The following PRKN variants were observed in gnomAD, a reference collection of about 807,000 sequenced individuals.
PRKN encodes the protein parkin RBR E3 ubiquitin protein ligase.
PRKN carries 56 observed loss-of-function variants against 59.5 expected under a neutral mutation model. The ratio of observed to expected loss-of-function variants is 0.94; its 90% CI spans 0.76 to 1.18. PRKN has a LOEUF of 1.18. Ranked by LOEUF, PRKN falls within the 50% of genes most tolerant of loss-of-function variation. The pLI is 0.00. For missense variants in PRKN, 657 were observed against 596.4 expected, an observed-to-expected ratio of 1.10 and a Z score of -1.06; for synonymous variants, 250 against 222.1, an observed-to-expected ratio of 1.13 and a Z score of -1.12.
chr6:161,350,274 C>A, intron 11 of PRKN, 63 bp from the exon 12 acceptor site: 2 of 1,073,040 alleles, frequency 1.9e-6, no homozygotes, highest in Non-Finnish European at 2.8e-6. Flanking sequence ...AACACGCATT[C>A]CCAAACCAGC....
rs561983894 is a variant in PRKN at position 162,523,494 on chromosome 6, G to A, written c.8-80021C>T. 2.6e-3 allele frequency among the ~76,000 whole-genome samples: 390 copies of A among 151,770 alleles called. 2 individuals carry two copies. The highest frequency in any genetic ancestry group is 4.2e-3 in the Non-Finnish European group (284 of 67,888). On this transcript the variant is annotated intron_variant, in intron 1 of 11. Coordinates refer to ENST00000366898, the MANE Select transcript of PRKN (RefSeq NM_004562.3). ...AGCCTGGCCAACATGGTGAAACTCC[G>A]TCTCTACTAAAAATACAAAAATTAG...
intron 3 of PRKN, among the ~76,000 whole-genome samples, chr6:162,248,587 C>T (rs953683374): frequency 3.9e-5 from 6 of 152,050 alleles, no homozygotes; most frequent in South Asian, 2.1e-4. Flanking sequence ...TGGGTACTGG[C>T]GTTAGAGCTG....
rs1395275144 is a variant in PRKN at position 161,548,875 on chromosome 6, C to T, written c.1062G>A (p.Gly354=). The change falls in exon 9 of 12, where the codon GGG becomes GGA. Residue 354 remains glycine (G), a synonymous_variant. Transcript: ENST00000366898. The surrounding 1 kb of genome is among the most constrained non-coding windows in gnomAD (Gnocchi z 4.2). ...EPDQRKVTCE[G]GNGLGCGFAF... ...TCACCCCACAGCCCAGGCCATTGCC[C>T]CCTTCGCAGGTGACTTTCCTCTGGT... is the stretch of plus-strand genomic sequence containing the variant. The T allele has an allele frequency of 2.5e-6, 4 of 1,614,176 alleles. No homozygotes were observed. The highest frequency in any genetic ancestry group is 3.4e-6 in the Non-Finnish European group (4 of 1,180,030).
intron 10 of PRKN, among the ~76,000 whole-genome samples, chr6:161,368,472 T>C: frequency 6.8e-6 from 1 of 148,028 alleles, no homozygotes; most frequent in South Asian, 2.2e-4. Flanking sequence ...TGAGAATCAC[T>C]TGAATCCAGA....
At chr6:162,080,977 T>C (rs2128293516) in intron 4 of PRKN, among the ~76,000 whole-genome samples, 1 of 152,224 alleles carries the variant, frequency 6.6e-6, no homozygotes, top group African/African-American at 2.4e-5. Context: ...AAGAAACCAC[T>C]TTGTTCTTCC....
chr6:162,560,991 G>C (rs917814545), intron 1 of PRKN, among the ~76,000 whole-genome samples: 2 of 152,004 alleles, frequency 1.3e-5, no homozygotes, highest in Non-Finnish European at 2.9e-5. Flanking sequence ...TGTCTGAGTT[G>C]AGCCGTAACT....
chr6:162,021,161 TA>T lies in PRKN; in HGVS notation c.618+32929del, dbSNP rs1783159347. On this transcript the variant is annotated intron_variant, in intron 5 of 11. Transcript: ENST00000366898. ...ATATATATATATATATATATATATA[TA>T]TATAAAATATATGTGTATATATATT... is the stretch of plus-strand genomic sequence containing the variant. 2.2e-4 allele frequency among the ~76,000 whole-genome samples: 6 copies of T among 26,710 alleles called. 1 individual carries two copies. Among genetic ancestry groups the T allele is most frequent in the Non-Finnish European group, 5.1e-4 (6 of 11,788 alleles). The allele number at this position is 26,710 out of a possible 152,430, so 17.5% of individuals were successfully genotyped here.
intron 6 of PRKN, among the ~76,000 whole-genome samples, chr6:161,801,250 C>T (rs1464550609): frequency 1.3e-5 from 2 of 152,232 alleles, no homozygotes; most frequent in Admixed American, 6.5e-5. Flanking sequence ...TTTGCTGACA[C>T]AGTACAGTGA....
Position 162,578,288 on chromosome 6 carries a change from A to G in PRKN, c.8-134815T>C, listed in dbSNP as rs116835713. Among the ~76,000 whole-genome samples the G allele has an allele frequency of 5.6e-3, 856 of 152,304 alleles. 7 individuals are homozygous for G. Among genetic ancestry groups the G allele is most frequent in the African/African-American group, 0.02 (816 of 41,592 alleles). On this transcript the variant is annotated intron_variant, in intron 1 of 11. Coordinates refer to ENST00000366898, the MANE Select transcript of PRKN (RefSeq NM_004562.3). ...ATAAGCCTCTGTTTTAATTAAAAAT[A>G]TGAAAATTAAATGTATTAAATATAA... is the stretch of plus-strand genomic sequence containing the variant.
intron 2 of PRKN, among the ~76,000 whole-genome samples, chr6:162,269,380 G>C (rs1414824565): frequency 1.3e-5 from 2 of 152,110 alleles, no homozygotes; most frequent in Non-Finnish European, 2.9e-5. Flanking sequence ...AAACATTCCA[G>C]ATGGCGTTAG....
At chr6:162,206,052 T>C (rs1040731034) in intron 3 of PRKN, among the ~76,000 whole-genome samples, 1 of 152,070 alleles carries the variant, frequency 6.6e-6, no homozygotes, top group African/African-American at 2.4e-5. Context: ...GAAGAAGGTT[T>C]TACTCGTGGC....
At chr6:162,480,951 G>A (rs1417148773) in intron 1 of PRKN, among the ~76,000 whole-genome samples, 1 of 151,802 alleles carries the variant, frequency 6.6e-6, no homozygotes, top group African/African-American at 2.4e-5. Context: ...CACTACAGGT[G>A]TGCACCACCA....
At chr6:161,917,603 G>C (rs1339904203) in intron 6 of PRKN, among the ~76,000 whole-genome samples, 2 of 152,154 alleles carry the variant, frequency 1.3e-5, no homozygotes, top group Non-Finnish European at 2.9e-5. Flanking sequence ...CAAGTGAATA[G>C]ATCTTTAGAC....
intron 2 of PRKN, among the ~76,000 whole-genome samples, chr6:162,388,043 A>G (rs530046372): frequency 1.2e-3 from 182 of 152,330 alleles, no homozygotes; most frequent in Non-Finnish European, 2.2e-3. Flanking sequence ...TCTGCAAAGC[A>G]GAGAACTGAG....
chr6:161,619,981 C>CTTTTTTT (rs71004058), intron 7 of PRKN, among the ~76,000 whole-genome samples: 109 of 63,154 alleles, frequency 1.7e-3, no homozygotes, highest in Admixed American at 2.7e-3. Flanking sequence ...ACACATTATT[C>CTTTTTTT]TTTTTTTTTT....
Position 161,554,732 on chromosome 6 carries a change from G to GTATA in PRKN, c.934-5730_934-5729insTATA, listed in dbSNP as rs1491297403. ...AGGGATTGTGTGTGTGTGTGTGTGT[G>GTATA]TGTATATATATATATATATATACAT... On this transcript the variant is annotated intron_variant, in intron 8 of 11. Transcript: ENST00000366898. This position sits in a 1 kb window ranked among gnomAD's most constrained non-coding sequence, Gnocchi z 4.5. Among the ~76,000 whole-genome samples, 10 of 120,304 alleles carry GTATA rather than the reference G, an allele frequency of 8.3e-5. No homozygotes were observed. Among genetic ancestry groups the GTATA allele is most frequent in the African/African-American group, 2.5e-4 (8 of 31,790 alleles). 78.9% of individuals were successfully genotyped at this position (120,304 alleles called of 152,430 possible).
intron 1 of PRKN, among the ~76,000 whole-genome samples, chr6:162,681,194 A>C (rs1207885803): frequency 6.6e-6 from 1 of 152,212 alleles, no homozygotes; most frequent in African/African-American, 2.4e-5. Flanking sequence ...TTATTAGCAA[A>C]AAATGCAGAA....
At chr6:162,137,714 C>T (rs1482515702) in intron 4 of PRKN, among the ~76,000 whole-genome samples, 2 of 152,114 alleles carry the variant, frequency 1.3e-5, no homozygotes, top group Admixed American at 6.5e-5. Flanking sequence ...TGAACTTGCC[C>T]TTTCATAATG....
intron 6 of PRKN, among the ~76,000 whole-genome samples, chr6:161,865,378 A>G (rs1335113239): frequency 1.3e-5 from 2 of 152,190 alleles, no homozygotes; most frequent in South Asian, 2.1e-4. Context: ...CACCAGCTGC[A>G]TTAGCCCCTA....
Sources: gnomAD v4.1 joint callset for allele counts (sites outside exome capture counted in the v4.1 genomes callset) on GRCh38, gnomAD v4.1.1 for gene constraint, Gnocchi (gnomAD v3.1) non-coding constraint, MANE v1.5 for transcripts, NCBI Gene and HGNC (gene_info 2026-07-23, HGNC 2026-07-21) for gene names.